Variants in AOX1 observed in about 807,000 individuals in gnomAD.
The protein encoded by AOX1 is aldehyde oxidase 1.
Under a neutral mutation model 169.5 loss-of-function variants are expected in AOX1, and 153 were observed. The observed-to-expected ratio is 0.90, with a 90% CI of 0.79 to 1.03. AOX1 has a LOEUF of 1.03. AOX1 is among the 50% of genes least tolerant of loss of function. The pLI, the probability that AOX1 is intolerant of heterozygous loss-of-function variation, is 0.00. For missense variants in AOX1, 1,656 were observed against 1,663.9 expected (o/e 1.00, Z 0.08); for synonymous variants, 562 against 581.9 (o/e 0.97, Z 0.49).
intron 21 of AOX1, among the ~76,000 whole-genome samples, chr2:200,635,468 G>A (rs2348022): frequency 0.059 from 8,835 of 148,702 alleles, 589 homozygotes; most frequent in African/African-American, 0.16. Context: ...TATGTGGGTG[G>A]AGAAATTAGG....
At chr2:200,600,479 G>A (rs892909123) in intron 5 of AOX1, among the ~76,000 whole-genome samples, 9 of 151,810 alleles carry the variant, frequency 5.9e-5, no homozygotes, top group Non-Finnish European at 1.3e-4. Flanking sequence ...ATGTGGCGGG[G>A]GGGGACATCC....
intron 25 of AOX1, among the ~76,000 whole-genome samples, chr2:200,648,889 C>A (rs1574951138): frequency 6.6e-6 from 1 of 151,920 alleles, no homozygotes; most frequent in African/African-American, 2.4e-5. Flanking sequence ...CAGTCACAGG[C>A]CTCACCCAGC....
chr2:200,678,818 G>A (rs571091241), downstream of AOX1, among the ~76,000 whole-genome samples: 1 of 151,532 alleles, frequency 6.6e-6, no homozygotes, highest in South Asian at 2.1e-4. Flanking sequence ...TTGTCAGTGT[G>A]ATGGCTGGTC....
intron 26 of AOX1, among the ~76,000 whole-genome samples, chr2:200,654,144 A>G (rs550878384): frequency 1.3e-5 from 2 of 149,094 alleles, no homozygotes; most frequent in South Asian, 4.3e-4. Flanking sequence ...AATGCTAGAA[A>G]TGATTAAGCT....
At chr2:200,657,191 T>TATATA (rs1491522418) in intron 27 of AOX1, among the ~76,000 whole-genome samples, 66 of 45,480 alleles carry the variant, frequency 1.5e-3, no homozygotes, top group East Asian at 6.4e-3. Context: ...TATATATATA[T>TATATA]TTTTTTTTTT....
intron 26 of AOX1, among the ~76,000 whole-genome samples, chr2:200,656,545 GA>G (rs1345896991): frequency 3.3e-5 from 5 of 152,054 alleles, no homozygotes; most frequent in African/African-American, 1.2e-4. Context: ...TCTTATATGG[GA>G]TTATAAGAAA....
intron 18 of AOX1, among the ~76,000 whole-genome samples, chr2:200,622,896 C>A (rs1481467438): frequency 6.6e-6 from 1 of 152,144 alleles, no homozygotes; most frequent in Non-Finnish European, 1.5e-5. Context: ...ATACAATGAA[C>A]CCCATAGATC....
intron 26 of AOX1, among the ~76,000 whole-genome samples, chr2:200,652,142 G>C (rs1323660212): frequency 6.6e-6 from 1 of 152,120 alleles, no homozygotes; most frequent in Admixed American, 6.5e-5. Flanking sequence ...TAAGGGATCA[G>C]AAGAGGCCAG....
Position 200,636,912 on chromosome 2 carries a change from A to T in AOX1, c.2348A>T (p.Asp783Val), listed in dbSNP as rs145900999. Residue 783 changes from aspartate to valine, a missense_variant and splice_region_variant, in exon 22 of 35, where the codon GAC becomes GTC. By Grantham distance (152) the Asp-to-Val change is radical. Coordinates refer to ENST00000374700, the MANE Select transcript of AOX1 (RefSeq NM_001159.4). ...VSTQFPKYIQ[D>V]IVASTLKLPA... ...AATCAGAACTATTATTGTTCACAGGACATTGTTGCCTCAACCTTGAAGCTC... is the reference window on the plus strand; with the variant it reads ...AATCAGAACTATTATTGTTCACAGGTCATTGTTGCCTCAACCTTGAAGCTC... 8.1e-6 allele frequency: 13 copies of T among 1,613,916 alleles called. No individual in the cohort carries two copies. In the African/African-American group the frequency reaches 1.3e-4, roughly 17 times the overall value.
intron 27 of AOX1, 79 bp from the exon 28 acceptor site, chr2:200,659,086 C>A: frequency 7.1e-7 from 1 of 1,413,856 alleles, no homozygotes; most frequent in Non-Finnish European, 9.8e-7. Context: ...GGGTATCACA[C>A]ATGTGTTACC....
rs115547701 is a variant in AOX1, at chr2:200,658,169, C to A, written c.3172-996C>A. 3.5e-3 allele frequency among the ~76,000 whole-genome samples: 536 copies of A among 152,252 alleles called. 6 individuals carry two copies. The highest frequency in any genetic ancestry group is 2.3e-3 in the Non-Finnish European group (159 of 68,002). On this transcript the variant is annotated intron_variant, in intron 27 of 34. Transcript: ENST00000374700. ...TAGAATTACTGGGTCACAGGTGTGA[C>A]CATTTTAAATTGTTTGACACACATT...
downstream of AOX1, chr2:200,678,473 A>T (rs1330426704): frequency 1.3e-5 from 2 of 152,226 alleles, no homozygotes; most frequent in Admixed American, 6.5e-5. Context: ...AGAAAGTCAA[A>T]TACAGTACAG....
chr2:200,632,211 G>C (rs2035140979), intron 20 of AOX1, among the ~76,000 whole-genome samples: 1 of 151,700 alleles, frequency 6.6e-6, no homozygotes, highest in Admixed American at 6.6e-5. Flanking sequence ...TATTTGCTTA[G>C]AATTTCATTT....
intron 16 of AOX1, among the ~76,000 whole-genome samples, chr2:200,618,123 G>A (rs1249518703): frequency 6.6e-6 from 1 of 152,082 alleles, no homozygotes; most frequent in Non-Finnish European, 1.5e-5. Flanking sequence ...TACATTCGTG[G>A]CCTAATATCT....
At chr2:200,588,970 G>A (rs1010483764) in intron 1 of AOX1, among the ~76,000 whole-genome samples, 5 of 151,664 alleles carry the variant, frequency 3.3e-5, no homozygotes, top group South Asian at 2.1e-4. Context: ...AAACTTTTTC[G>A]TTCCAGAGAG....
rs765654117 is a variant in AOX1, at chr2:200,642,575, A to G, written c.2656-35A>G. 4.4e-5 allele frequency: 70 copies of G among 1,598,686 alleles called. 1 individual carries two copies. Among genetic ancestry groups the G allele is most frequent in the Middle Eastern group, 3.3e-4 (2 of 6,002 alleles). ...TCGTAGGATGGTGAAACAGGTTCAG[A>G]AGATCTTAATCACATCAACTCTGGA... On this transcript the variant is annotated intron_variant, in intron 24 of 34. Transcript: ENST00000374700.
intron 26 of AOX1, among the ~76,000 whole-genome samples, chr2:200,652,956 A>T (rs547174068): frequency 6.6e-6 from 1 of 152,302 alleles, no homozygotes; most frequent in African/African-American, 2.4e-5. Context: ...TGTTGTAAGT[A>T]CTTTTAGGTA....
At chr2:200,633,466 T>G (rs576133341) in intron 20 of AOX1, among the ~76,000 whole-genome samples, 1 of 152,288 alleles carries the variant, frequency 6.6e-6, no homozygotes, top group East Asian at 1.9e-4. Context: ...ATTTCCTCTG[T>G]TCTCCCTATT....
intron 33 of AOX1, 96 bp from the exon 34 acceptor site, chr2:200,669,479 C>A: frequency 4.5e-6 from 6 of 1,327,938 alleles, no homozygotes; most frequent in Non-Finnish European, 6.2e-6. Context: ...ATATGTAGTA[C>A]GTAATATTTT....
Sources: allele counts gnomAD v4.1 joint callset (sites outside exome capture counted in the v4.1 genomes callset), GRCh38; gene constraint gnomAD v4.1.1; transcripts MANE v1.5; gene names NCBI Gene and HGNC (gene_info 2026-07-23, HGNC 2026-07-21).